The following NLGN1 variants were observed in gnomAD, a reference collection of about 807,000 sequenced individuals.
The protein encoded by NLGN1 is neuroligin-1.
In NLGN1, 12 loss-of-function variants were observed where a neutral mutation model predicts 65.5. That is an observed-to-expected ratio of 0.18 (90% confidence interval 0.12 to 0.30). The LOEUF is 0.30. Ranked by LOEUF, NLGN1 falls within the 10% of genes least tolerant of loss-of-function variation. The pLI, the probability that NLGN1 is intolerant of heterozygous loss-of-function variation, is 1.00. For synonymous variants in NLGN1, 350 were observed against 359.5 expected (o/e 0.97, Z 0.30); for missense variants, 750 against 1,007.1 (o/e 0.74, Z 3.46).
At chr3:174,045,551 A>G (rs530151964) in intron 4 of NLGN1, among the ~76,000 whole-genome samples, 13 of 152,260 alleles carry the variant, frequency 8.5e-5, no homozygotes, top group African/African-American at 3.1e-4. Flanking sequence ...GAGCCAGACT[A>G]TATTATGTCC....
intron 3 of NLGN1, among the ~76,000 whole-genome samples, chr3:173,678,797 G>A (rs559007960): frequency 1.3e-5 from 2 of 152,228 alleles, no homozygotes; most frequent in African/African-American, 4.8e-5. Context: ...TACTAGTTAA[G>A]AGGCCACAGA....
chr3:173,594,124 C>G (rs1478939603), intron 2 of NLGN1, among the ~76,000 whole-genome samples: 1 of 152,156 alleles, frequency 6.6e-6, no homozygotes, highest in Non-Finnish European at 1.5e-5. Context: ...ACCAATCATG[C>G]CTTCCCAACA....
chr3:173,875,045 A>G (rs920033552), intron 4 of NLGN1, among the ~76,000 whole-genome samples: 1 of 152,152 alleles, frequency 6.6e-6, no homozygotes, highest in Admixed American at 6.5e-5. Flanking sequence ...TCAAAGTAAT[A>G]TACTATTGGG....
chr3:174,103,684 T>C (rs1479680981), intron 4 of NLGN1, among the ~76,000 whole-genome samples: 1 of 152,106 alleles, frequency 6.6e-6, no homozygotes, highest in Non-Finnish European at 1.5e-5. Context: ...TGATAAACTG[T>C]TGTACAAAAC....
At chr3:173,736,618 AG>A in intron 3 of NLGN1, among the ~76,000 whole-genome samples, 1 of 151,882 alleles carries the variant, frequency 6.6e-6, no homozygotes, top group Non-Finnish European at 1.5e-5. Flanking sequence ...GGAGGCTTGG[AG>A]AGGGTTGCAG....
intron 3 of NLGN1, among the ~76,000 whole-genome samples, chr3:173,741,014 G>T (rs187726405): frequency 6.6e-6 from 1 of 152,068 alleles, no homozygotes; most frequent in African/African-American, 2.4e-5. Context: ...AAAATTAAGC[G>T]TTTATGAAAA....
intron 2 of NLGN1, among the ~76,000 whole-genome samples, chr3:173,550,918 T>C (rs941930141): frequency 6.6e-6 from 1 of 152,160 alleles, no homozygotes; most frequent in African/African-American, 2.4e-5. Context: ...ATTCTTCCGA[T>C]TTTTCTCCCT....
At chr3:174,153,456 G>A (rs1227758895) in intron 4 of NLGN1, among the ~76,000 whole-genome samples, 1 of 152,056 alleles carries the variant, frequency 6.6e-6, no homozygotes, top group Non-Finnish European at 1.5e-5. Flanking sequence ...AAATTGCAGT[G>A]AATATATCAT....
At chr3:173,973,822 C>G (rs1159961311) in intron 4 of NLGN1, among the ~76,000 whole-genome samples, 2 of 151,928 alleles carry the variant, frequency 1.3e-5, no homozygotes, top group Non-Finnish European at 2.9e-5. Context: ...TAGTTTTATG[C>G]TTATTATTAG....
chr3:174,056,541 G>A (rs1580046634), intron 4 of NLGN1, among the ~76,000 whole-genome samples: 3 of 151,824 alleles, frequency 2.0e-5, no homozygotes, highest in African/African-American at 7.3e-5. Flanking sequence ...CACTGGAGCA[G>A]GTTTTACTTT....
intron 2 of NLGN1, among the ~76,000 whole-genome samples, chr3:173,509,008 A>T (rs1301640491): frequency 1.3e-5 from 2 of 152,244 alleles, no homozygotes; most frequent in African/African-American, 4.8e-5. Context: ...TGATATTTTC[A>T]TGTCAAGTTC....
intron 2 of NLGN1, among the ~76,000 whole-genome samples, chr3:173,473,878 A>G (rs1331223695): frequency 1.3e-5 from 2 of 152,158 alleles, no homozygotes; most frequent in Non-Finnish European, 2.9e-5. Context: ...TTCTTCTTTA[A>G]TGAGACGGCA....
intron 3 of NLGN1, among the ~76,000 whole-genome samples, chr3:173,667,059 T>C (rs1761801508): frequency 1.3e-5 from 2 of 152,222 alleles, no homozygotes; most frequent in African/African-American, 4.8e-5. Flanking sequence ...TTCATTCTGC[T>C]TTTTAACATG....
chr3:174,211,012 C>T (rs890193404), intron 4 of NLGN1, among the ~76,000 whole-genome samples: 6 of 152,078 alleles, frequency 3.9e-5, no homozygotes, highest in African/African-American at 7.2e-5. Context: ...TAAGGTGGCG[C>T]GTCTGGAGTC....
intron 3 of NLGN1, among the ~76,000 whole-genome samples, chr3:173,696,935 A>G (rs1033525803): frequency 3.3e-5 from 5 of 152,208 alleles, no homozygotes; most frequent in African/African-American, 4.8e-5. Context: ...GCTACAGTAG[A>G]TTCAGATTTT....
intron 4 of NLGN1, among the ~76,000 whole-genome samples, chr3:174,054,482 A>G (rs1455303335): frequency 1.3e-5 from 2 of 151,988 alleles, no homozygotes; most frequent in Admixed American, 1.3e-4. Flanking sequence ...ATAACCCTTC[A>G]TTATCTGATC....
At chr3:173,515,401 T>C (rs558110558) in intron 2 of NLGN1, among the ~76,000 whole-genome samples, 2 of 152,126 alleles carry the variant, frequency 1.3e-5, no homozygotes, top group African/African-American at 2.4e-5. Flanking sequence ...TTATCAGATA[T>C]ATGATTTGCA....
intron 4 of NLGN1, among the ~76,000 whole-genome samples, chr3:173,905,918 TA>T (rs1380050909): frequency 6.6e-6 from 1 of 152,198 alleles, no homozygotes; most frequent in Non-Finnish European, 1.5e-5. Context: ...TCCTGTAGTA[TA>T]CTAGGAGATT....
At chr3:173,576,916 A>T (rs1745587106) in intron 2 of NLGN1, among the ~76,000 whole-genome samples, 1 of 152,196 alleles carries the variant, frequency 6.6e-6, no homozygotes, top group South Asian at 2.1e-4. Flanking sequence ...AAGATCAACG[A>T]AACGGTAATA....
Sources: gnomAD v4.1 joint callset for allele counts (sites outside exome capture counted in the v4.1 genomes callset) on GRCh38, gnomAD v4.1.1 for gene constraint, MANE v1.5 for transcripts, NCBI Gene and HGNC (gene_info 2026-07-23, HGNC 2026-07-21) for gene names.